LARP1: variants seen among roughly 807,000 people sequenced by gnomAD.
LARP1 encodes the protein La ribonucleoprotein 1, translational regulator.
Under a neutral mutation model 122.7 loss-of-function variants are expected in LARP1, and 36 were observed. That is an observed-to-expected ratio of 0.29 (90% CI 0.22 to 0.39). The LOEUF (loss-of-function observed/expected upper bound fraction) is 0.39. Among genes scored for constraint, LARP1 ranks in the 10% least tolerant of loss-of-function variants. The pLI is 1.00. For missense variants in LARP1, 1,040 were observed against 1,403.6 expected, an observed-to-expected ratio of 0.74 and a Z score of 4.14; for synonymous variants, 539 against 528.7, an observed-to-expected ratio of 1.02 and a Z score of -0.27.
rs927256652 is a variant in LARP1 at position 154,805,139 on chromosome 5, G to A, written c.2547-742G>A. The stretch of plus-strand genomic sequence containing the variant: ...AAAGAAGGGAACAACAAACACTGGG[G>A]CCTACTTGGTGGGGAGAGGGAGGAG... On this transcript the variant is annotated intron_variant, in intron 14 of 18. Transcript: ENST00000518297. 7.4e-5 allele frequency: 25 copies of A among 337,110 alleles called. 1 individual carries two copies. Among genetic ancestry groups the A allele is most frequent in the Admixed American group, 3.7e-4 (9 of 24,488 alleles). The allele number at this position is 337,110 out of a possible 1,614,324, so 20.9% of individuals were successfully genotyped here. A position where few individuals can be genotyped will look rare whatever the true frequency, so the allele number is the denominator to read the frequency against.
chr5:154,812,812 C>A, intron 18 of LARP1, among the ~76,000 whole-genome samples: 1 of 151,990 alleles, frequency 6.6e-6, no homozygotes, highest in East Asian at 1.9e-4. Context: ...CCACCGCGCC[C>A]GGCCCAAAAG....
rs1183582179 is a variant in LARP1, at chr5:154,793,730, A to G, written c.868+7A>G. 2 of 1,614,082 alleles carry G rather than the reference A, an allele frequency of 1.2e-6. No homozygotes were observed. The highest frequency in any genetic ancestry group is 1.7e-6 in the Non-Finnish European group (2 of 1,179,966). On this transcript the variant is annotated splice_region_variant and intron_variant, in intron 5 of 18. Transcript: ENST00000518297. ...AATCGCGGAGAGATCAAAGGTATGC[A>G]CTACCCACTATGGAGGGCCTGGACT...
intron 10 of LARP1, 43 bp from the exon 11 acceptor site, chr5:154,801,964 G>A: frequency 1.3e-6 from 2 of 1,558,194 alleles, no homozygotes; most frequent in Non-Finnish European, 1.7e-6. Context: ...CTGGGCCAAG[G>A]ATCTCTGGTG....
intron 1 of LARP1, among the ~76,000 whole-genome samples, chr5:154,773,842 G>T (rs1004401610): frequency 6.6e-6 from 1 of 152,208 alleles, no homozygotes; most frequent in Non-Finnish European, 1.5e-5. Flanking sequence ...AACAAATGTG[G>T]ATAGGCAGTG....
chr5:154,792,366 C>T (rs866266053), intron 3 of LARP1, among the ~76,000 whole-genome samples: 3 of 152,210 alleles, frequency 2.0e-5, no homozygotes, highest in African/African-American at 4.8e-5. Flanking sequence ...GCCTCAGCAC[C>T]GCTGTCCTGA....
rs966697470 is a variant in LARP1 at position 154,814,534 on chromosome 5, G to C, written c.*438G>C. 1 of 152,696 alleles carries C rather than the reference G, an allele frequency of 6.5e-6. No homozygotes were observed. The highest frequency in any genetic ancestry group is 2.4e-5 in the African/African-American group (1 of 41,386). The allele number at this position is 152,696 out of a possible 1,614,324, so 9.5% of individuals were successfully genotyped here. A position where few individuals can be genotyped will look rare whatever the true frequency, so the allele number is the denominator to read the frequency against. On this transcript the variant is annotated 3_prime_UTR_variant, in exon 19 of 19. Transcript: ENST00000518297. Reference sequence around the variant, plus strand: ...TATGCAGCCCACAAGAAGGCCCTGCGGGCCCCCCCATTGCCCAGCACTGTC... The same window carrying C: ...TATGCAGCCCACAAGAAGGCCCTGCCGGCCCCCCCATTGCCCAGCACTGTC...
chr5:154,749,190 G>A (rs934309610), intron 1 of LARP1, among the ~76,000 whole-genome samples: 2 of 152,142 alleles, frequency 1.3e-5, no homozygotes, highest in East Asian at 3.8e-4. Flanking sequence ...TGGTAGACTG[G>A]ATCACAGTGG....
chr5:154,711,735 G>C (rs1242908000), upstream of LARP1, among the ~76,000 whole-genome samples: 1 of 152,144 alleles, frequency 6.6e-6, no homozygotes, highest in Admixed American at 6.6e-5. Context: ...CTATTAAGAG[G>C]GGGTACAGGG....
chr5:154,714,310 G>T (rs546695612), intron 1 of LARP1, among the ~76,000 whole-genome samples: 15 of 152,264 alleles, frequency 9.9e-5, no homozygotes, highest in Non-Finnish European at 2.2e-4. Context: ...TGTGATAAAA[G>T]AATTACTGAT....
chr5:154,762,322 A>T (rs1754526971), intron 1 of LARP1, among the ~76,000 whole-genome samples: 2 of 152,126 alleles, frequency 1.3e-5, no homozygotes, highest in Admixed American at 1.3e-4. Flanking sequence ...AGAAGATTGC[A>T]TTCCAAAGCC....
chr5:154,781,444 T>A (rs1191591792), intron 1 of LARP1, among the ~76,000 whole-genome samples: 3 of 151,890 alleles, frequency 2.0e-5, no homozygotes, highest in Non-Finnish European at 4.4e-5. Context: ...TACAAAAAAA[T>A]TAGCTGGGCA....
At chr5:154,740,655 AC>A (rs1369535166) in intron 1 of LARP1, among the ~76,000 whole-genome samples, 6 of 152,188 alleles carry the variant, frequency 3.9e-5, no homozygotes, top group Non-Finnish European at 7.4e-5. Flanking sequence ...CAGGCCTTTC[AC>A]CCCTATGCTA....
chr5:154,743,595 C>A (rs1315642535), intron 1 of LARP1, among the ~76,000 whole-genome samples: 2 of 150,776 alleles, frequency 1.3e-5, no homozygotes, highest in East Asian at 3.9e-4. Flanking sequence ...AAGAGTGAGC[C>A]ACTGCTTCTG....
intron 1 of LARP1, among the ~76,000 whole-genome samples, chr5:154,746,311 C>T (rs372924825): frequency 2.0e-5 from 3 of 152,188 alleles, no homozygotes; most frequent in African/African-American, 4.8e-5. Context: ...GACTGAGCGA[C>T]GGTTCTTTTG....
Position 154,802,225 on chromosome 5 carries a change from T to C in LARP1, c.1935T>C (p.Ile645=), listed in dbSNP as rs1582462543. 3.7e-6 allele frequency: 6 copies of C among 1,614,166 alleles called. No homozygotes were observed. The East Asian group carries it at 1.3e-4, about 36-fold the overall frequency. ...ACAGGGATGTCAACAAGATCCTCAT[T>C]GTCACCCAGACACCACATTACATGC... is the stretch of plus-strand genomic sequence containing the variant. The part of the protein sequence containing the change: ...IDDRDVNKIL[I]VTQTPHYMRR... Residue 645 remains isoleucine (I), a synonymous_variant, in exon 11 of 19, where the codon ATT becomes ATC. Transcript: ENST00000518297. This position sits in a 1 kb window ranked among gnomAD's most constrained non-coding sequence, Gnocchi z 5.1.
chr5:154,776,268 C>G (rs573559717), intron 1 of LARP1, among the ~76,000 whole-genome samples: 17 of 152,324 alleles, frequency 1.1e-4, no homozygotes, highest in Non-Finnish European at 2.2e-4. Flanking sequence ...AACCTTCATT[C>G]TTCTGGCAAA....
intron 1 of LARP1, among the ~76,000 whole-genome samples, chr5:154,723,123 T>C (rs914967076): frequency 6.6e-6 from 1 of 152,244 alleles, no homozygotes; most frequent in East Asian, 1.9e-4. Context: ...AACTTTCATG[T>C]TCTGGGCTCT....
intron 1 of LARP1, among the ~76,000 whole-genome samples, chr5:154,690,043 A>G (rs1243010323): frequency 1.3e-5 from 2 of 150,660 alleles, no homozygotes; most frequent in Admixed American, 6.6e-5. Flanking sequence ...TCTGTCTCCA[A>G]AAAAATTAAA....
At position 154,816,675 on chromosome 5, in the gene LARP1, G is replaced by A. The variant is rs753463692; in HGVS notation, c.*2579G>A. The A allele has an allele frequency of 6.6e-6, 1 of 152,612 alleles. No individual in the cohort carries two copies. The highest frequency in any genetic ancestry group is 1.5e-5 in the Non-Finnish European group (1 of 68,068). The allele number at this position is 152,612 out of a possible 1,614,324, so 9.5% of individuals were successfully genotyped here. ...GACAAGCATGCCAGAAGTGGCAGGG[G>A]CCATCAGGGCTAACCACTTCACACC... On this transcript the variant is annotated 3_prime_UTR_variant, in exon 19 of 19. Transcript: ENST00000518297.
Sources: allele counts gnomAD v4.1 joint callset (sites outside exome capture counted in the v4.1 genomes callset), GRCh38; gene constraint gnomAD v4.1.1; non-coding constraint Gnocchi (gnomAD v3.1); transcripts MANE v1.5; gene names NCBI Gene and HGNC (gene_info 2026-07-23, HGNC 2026-07-21).